The following C10orf67 variants were observed in gnomAD, a reference collection of about 807,000 sequenced individuals.
The protein encoded by C10orf67 is uncharacterized protein C10orf67, mitochondrial.
C10orf67 carries 60 observed loss-of-function variants against 35.6 expected under a neutral mutation model. That is an observed-to-expected ratio of 1.68 (90% CI 1.37 to 2.09). The LOEUF (loss-of-function observed/expected upper bound fraction) is 2.09, where lower values mean the gene tolerates loss of function less well. Among genes scored for constraint, C10orf67 ranks in the 30% most tolerant of loss-of-function variants. The pLI is 0.00. For missense variants in C10orf67, 474 were observed against 330.2 expected (o/e 1.44, Z -3.38); for synonymous variants, 167 against 115.8 (o/e 1.44, Z -2.84).
At chr10:23,288,319 G>A (rs542901729) in intron 7 of C10orf67, among the ~76,000 whole-genome samples, 10 of 152,296 alleles carry the variant, frequency 6.6e-5, no homozygotes, top group Admixed American at 2.0e-4. Flanking sequence ...GTCCTTTGCA[G>A]GGATATGGAT....
chr10:23,291,411 A>G, intron 5 of C10orf67, 132 bp from the exon 6 acceptor site: 1 of 581,984 alleles, frequency 1.7e-6, no homozygotes, highest in Non-Finnish European at 3.0e-6. Flanking sequence ...AAGAATAGTA[A>G]AAAGGAAGGA....
At chr10:23,244,819 T>C (rs1412018351) in intron 12 of C10orf67, among the ~76,000 whole-genome samples, 1 of 152,216 alleles carries the variant, frequency 6.6e-6, no homozygotes, top group Non-Finnish European at 1.5e-5. Context: ...AAAATTGCAA[T>C]GGCATTTTTC....
At chr10:23,225,721 T>C (rs1841717929) in intron 13 of C10orf67, among the ~76,000 whole-genome samples, 2 of 152,146 alleles carry the variant, frequency 1.3e-5, no homozygotes, top group African/African-American at 4.8e-5. Context: ...GTTGCAATCC[T>C]AGTCTCTGAT....
intron 7 of C10orf67, among the ~76,000 whole-genome samples, chr10:23,284,481 G>A (rs145817973): frequency 2.0e-5 from 3 of 150,606 alleles, no homozygotes; most frequent in East Asian, 3.9e-4. Context: ...CCAGGAGTTC[G>A]AGACCAGCCT....
intron 15 of C10orf67, among the ~76,000 whole-genome samples, chr10:23,223,126 C>T (rs943940817): frequency 6.6e-6 from 1 of 152,018 alleles, no homozygotes; most frequent in African/African-American, 2.4e-5. Flanking sequence ...GTCACCCAGG[C>T]TGGAGTACAG....
At chr10:23,270,982 T>C (rs1843002551) in intron 8 of C10orf67, among the ~76,000 whole-genome samples, 1 of 152,204 alleles carries the variant, frequency 6.6e-6, no homozygotes, top group Admixed American at 6.5e-5. Context: ...AATGGCAAGT[T>C]GGATAAAGAG....
In C10orf67 at chr10:23,203,114, A is replaced by G. The variant is rs1381765125; in HGVS notation, c.*1059T>C. On this transcript the variant is annotated 3_prime_UTR_variant, in exon 16 of 16. Transcript: ENST00000636213. ...ATTTGAAAGAAGCGCCAAACTGTGT[A>G]ACTGTAATTCAGCCAAGGACTGCTA... The G allele has an allele frequency of 1.3e-5, 2 of 152,264 alleles. No homozygotes were observed. Among genetic ancestry groups the G allele is most frequent in the African/African-American group, 4.8e-5 (2 of 41,470 alleles). The allele number at this position is 152,264 out of a possible 1,614,324, so 9.4% of individuals were successfully genotyped here.
At chr10:23,328,163 G>C (rs977241996) in intron 2 of C10orf67, among the ~76,000 whole-genome samples, 1 of 152,140 alleles carries the variant, frequency 6.6e-6, no homozygotes, top group African/African-American at 2.4e-5. Context: ...CTATAAAAGA[G>C]AAGAAGAAAG....
intron 8 of C10orf67, among the ~76,000 whole-genome samples, chr10:23,268,269 T>G (rs1842933765): frequency 6.6e-6 from 1 of 152,206 alleles, no homozygotes; most frequent in South Asian, 2.1e-4. Context: ...CACTCCAACC[T>G]AGGCAACAGA....
chr10:23,305,888 A>G (rs1217403702), intron 4 of C10orf67, among the ~76,000 whole-genome samples: 1 of 152,192 alleles, frequency 6.6e-6, no homozygotes, highest in Non-Finnish European at 1.5e-5. Flanking sequence ...TGTTCATTAC[A>G]GCATTATTCA....
chr10:23,267,302 A>C (rs1842909251), intron 8 of C10orf67, 48 bp from the exon 9 acceptor site: 1 of 664,484 alleles, frequency 1.5e-6, no homozygotes, highest in Non-Finnish European at 2.7e-6. Flanking sequence ...GCAAAGATTA[A>C]AAAAGACAAT....
intron 13 of C10orf67, among the ~76,000 whole-genome samples, chr10:23,228,365 G>T (rs1352935388): frequency 6.6e-6 from 1 of 152,120 alleles, no homozygotes; most frequent in Non-Finnish European, 1.5e-5. Context: ...AATAAATGGT[G>T]CTGGGAAAAC....
intron 8 of C10orf67, among the ~76,000 whole-genome samples, chr10:23,274,415 G>T (rs1198908829): frequency 1.3e-5 from 2 of 152,082 alleles, no homozygotes; most frequent in Admixed American, 1.3e-4. Flanking sequence ...GACACTCCCA[G>T]AGCGGCCGTC....
At chr10:23,326,474 C>T (rs1845196130) in intron 2 of C10orf67, among the ~76,000 whole-genome samples, 1 of 152,054 alleles carries the variant, frequency 6.6e-6, no homozygotes, top group Non-Finnish European at 1.5e-5. Context: ...TCTTTGCCTA[C>T]AGTAGGAGAA....
chr10:23,214,774 G>A (rs1345953390), intron 15 of C10orf67, among the ~76,000 whole-genome samples: 1 of 152,112 alleles, frequency 6.6e-6, no homozygotes, highest in African/African-American at 2.4e-5. Flanking sequence ...GTAATCCCCA[G>A]CACTTAGGGA....
intron 15 of C10orf67, among the ~76,000 whole-genome samples, chr10:23,216,185 C>A (rs973988302): frequency 5.3e-5 from 8 of 152,142 alleles, no homozygotes; most frequent in Admixed American, 1.3e-4. Flanking sequence ...AAGAACCACC[C>A]AATTATAGAA....
At chr10:23,232,532 C>T (rs1841939650) in intron 13 of C10orf67, among the ~76,000 whole-genome samples, 1 of 152,178 alleles carries the variant, frequency 6.6e-6, no homozygotes, top group South Asian at 2.1e-4. Context: ...ACTATTCACA[C>T]AGAGCACTGG....
intron 4 of C10orf67, among the ~76,000 whole-genome samples, chr10:23,305,157 A>G (rs1844229061): frequency 6.6e-6 from 1 of 152,250 alleles, no homozygotes; most frequent in African/African-American, 2.4e-5. Flanking sequence ...TCAGGCAAAC[A>G]TGACACTCTC....
chr10:23,227,301 G>A (rs1180596432), intron 13 of C10orf67, among the ~76,000 whole-genome samples: 2 of 151,944 alleles, frequency 1.3e-5, no homozygotes, highest in Non-Finnish European at 2.9e-5. Flanking sequence ...ATCAATAAAT[G>A]TAATCCAGCA....
Sources: gnomAD v4.1 joint callset for allele counts (sites outside exome capture counted in the v4.1 genomes callset) on GRCh38, gnomAD v4.1.1 for gene constraint, MANE v1.5 for transcripts, NCBI Gene and HGNC (gene_info 2026-07-23, HGNC 2026-07-21) for gene names.